Variants in FZD9 observed in about 807,000 individuals in gnomAD.
FZD9 encodes the protein frizzled class receptor 9.
In FZD9, 29 loss-of-function variants were observed where a neutral mutation model predicts 29.9. The ratio of observed to expected loss-of-function variants is 0.97; its 90% CI spans 0.72 to 1.32. The LOEUF (loss-of-function observed/expected upper bound fraction) is 1.32, where lower values mean the gene tolerates loss of function less well. Among genes scored for constraint, FZD9 ranks in the 40% most tolerant of loss-of-function variants. The pLI, the probability that FZD9 is intolerant of heterozygous loss-of-function variation, is 0.00. For missense variants in FZD9, 822 were observed against 857.8 expected (o/e 0.96, Z 0.52); for synonymous variants, 384 against 393.9 (o/e 0.97, Z 0.30).
rs781871788 is a variant in FZD9 at position 73,434,454 on chromosome 7, C to A, written c.447C>A (p.His149Gln). 6.5e-7 allele frequency: 1 copy of A among 1,533,618 alleles called. No individual in the cohort carries two copies. Among genetic ancestry groups the A allele is most frequent in the Admixed American group, 2.0e-5 (1 of 50,632 alleles). The change falls in exon 1 of 1, where the codon CAC becomes CAA. Residue 149 changes from histidine (H) to glutamine (Q), a missense_variant. His to Gln is a conservative substitution (Grantham distance 24, BLOSUM62 0). Transcript: ENST00000344575. ...GGCTGCCCACGCGCAACGACCCGCACGCGCTGTGCATGGAGGCGCCCGAGA... is the reference window on the plus strand; with the variant it reads ...GGCTGCCCACGCGCAACGACCCGCAAGCGCTGTGCATGGAGGCGCCCGAGA... ...CARLPTRNDPHALCMEAPENA... is the reference protein window; with the variant it reads ...CARLPTRNDPQALCMEAPENA...
Position 73,434,924 on chromosome 7 carries a change from A to G in FZD9, c.917A>G (p.Glu306Gly), listed in dbSNP as rs1554563474. 6.2e-7 allele frequency: 1 copy of G among 1,613,816 alleles called. No individual in the cohort carries two copies. The highest frequency in any genetic ancestry group is 1.1e-5 in the South Asian group (1 of 91,072). ...GCGGGCGCGCTCTACGTGATCCAGG[A>G]GGGCCTGGAGAACACGGGCTGCACG... ...QEAGALYVIQ[E>G]GLENTGCTLV... The change falls in exon 1 of 1, where the codon GAG (glutamate) becomes GGG (glycine). Residue 306 changes from glutamate to glycine, a missense_variant. By Grantham distance (98) the Glu-to-Gly change is moderately conservative. Coordinates refer to ENST00000344575, the MANE Select transcript of FZD9 (RefSeq NM_003508.3).
In FZD9 at chr7:73,435,200, T is replaced by C; in HGVS notation, c.1193T>C (p.Leu398Pro). ...GTGGCCAGCACGGATGCAGCAGCGCTCACGGGCTTCGTGCTGGTGCCCCTC... is the reference window on the plus strand; with the variant it reads ...GTGGCCAGCACGGATGCAGCAGCGCCCACGGGCTTCGTGCTGGTGCCCCTC... Reference protein sequence around the residue: ...CYVASTDAAALTGFVLVPLSG... With the variant: ...CYVASTDAAAPTGFVLVPLSG... Residue 398 changes from leucine to proline, a missense_variant, in exon 1 of 1, where the codon CTC becomes CCC. Physicochemically the swap from Leu to Pro is moderately conservative, Grantham distance 98. Transcript: ENST00000344575. 6.2e-7 allele frequency: 1 copy of C among 1,613,334 alleles called. No homozygotes were observed.
chr7:73,434,888 G>A lies in FZD9; in HGVS notation c.881G>A (p.Cys294Tyr). ...RAVAGAQSVACDQEAGALYVI... is the reference protein window; with the variant it reads ...RAVAGAQSVAYDQEAGALYVI... The stretch of plus-strand genomic sequence containing the variant: ...GTGGCCGGAGCGCAGAGCGTGGCCT[G>A]TGACCAGGAGGCGGGCGCGCTCTAC... Residue 294 changes from cysteine (C) to tyrosine (Y), a missense_variant, in exon 1 of 1, where the codon TGT (cysteine) becomes TAT (tyrosine). By Grantham distance (194) the Cys-to-Tyr change is radical. Coordinates refer to ENST00000344575, the MANE Select transcript of FZD9 (RefSeq NM_003508.3). 1 of 1,613,644 alleles carries A rather than the reference G, an allele frequency of 6.2e-7. No individual in the cohort carries two copies. The highest frequency in any genetic ancestry group is 8.5e-7 in the Non-Finnish European group (1 of 1,179,996).
rs142246324 is a variant in FZD9, at chr7:73,435,638, A to C, written c.1631A>C (p.Lys544Thr). The C allele has an allele frequency of 1.2e-6, 2 of 1,613,050 alleles. No homozygotes were observed. The highest frequency in any genetic ancestry group is 4.5e-5 in the East Asian group (2 of 44,878). The change falls in exon 1 of 1, where the codon AAG becomes ACG. Residue 544 changes from lysine to threonine, a missense_variant. Physicochemically the swap from Lys to Thr is moderately conservative, Grantham distance 78. Transcript: ENST00000344575. ...ACCTGGCAGAGCCTGTGCTACCGCAAGATAGCAGCTGGCCGGGCCCGGGCC... is the reference window on the plus strand; with the variant it reads ...ACCTGGCAGAGCCTGTGCTACCGCACGATAGCAGCTGGCCGGGCCCGGGCC... ...FQTWQSLCYR[K>T]IAAGRARAKA...
chr7:73,435,304 A>G lies in FZD9; in HGVS notation c.1297A>G (p.Thr433Ala). The change falls in exon 1 of 1, where the codon ACG becomes GCG. Residue 433 changes from threonine to alanine, a missense_variant. Thr to Ala is a moderately conservative substitution (Grantham distance 58). Transcript: ENST00000344575. ...ALFHIRKIMK[T>A]GGTNTEKLEK... ...CTTCCACATCCGCAAGATCATGAAG[A>G]CGGGCGGCACCAACACAGAGAAGCT... 1.2e-6 allele frequency: 2 copies of G among 1,613,814 alleles called. No individual in the cohort carries two copies.
At position 73,435,853 on chromosome 7, in the gene FZD9, T is replaced by TA; in HGVS notation, c.*71dup. ...TCCACGCCCTGCCCCCTGCATCCCC[T>TA]AGAGACAGCTGACTAGCAGCTGCCC... On this transcript the variant is annotated 3_prime_UTR_variant, in exon 1 of 1. Transcript: ENST00000344575. 6.6e-7 allele frequency: 1 copy of TA among 1,508,410 alleles called. No homozygotes were observed. Among genetic ancestry groups the TA allele is most frequent in the East Asian group, 2.3e-5 (1 of 43,882 alleles). 93.4% of individuals were successfully genotyped at this position (1,508,410 alleles called of 1,614,324 possible).
rs1563354348 is a variant in FZD9, at chr7:73,434,537, C to T, written c.530C>T (p.Pro177Leu). Reference protein sequence around the residue: ...HKGLGMLPVAPRPARPPGDLG... With the variant: ...HKGLGMLPVALRPARPPGDLG... ...GGCCTGGGCATGCTGCCCGTGGCGCCGCGGCCCGCGCGCCCTCCCGGAGAC... is the reference window on the plus strand; with the variant it reads ...GGCCTGGGCATGCTGCCCGTGGCGCTGCGGCCCGCGCGCCCTCCCGGAGAC... Residue 177 changes from proline to leucine, a missense_variant, in exon 1 of 1, where the codon CCG (proline) becomes CTG (leucine). Pro to Leu is a moderately conservative substitution (Grantham distance 98). Coordinates refer to ENST00000344575, the MANE Select transcript of FZD9 (RefSeq NM_003508.3). The T allele has an allele frequency of 1.4e-6, 2 of 1,422,516 alleles. No homozygotes were observed. Among genetic ancestry groups the T allele is most frequent in the Non-Finnish European group, 1.8e-6 (2 of 1,100,442 alleles). The allele number at this position is 1,422,516 out of a possible 1,614,324, so 88.1% of individuals were successfully genotyped here. A position where few individuals can be genotyped will look rare whatever the true frequency, so the allele number is the denominator to read the frequency against.
In FZD9 at chr7:73,434,121, G is replaced by A. The variant is rs1173341222; in HGVS notation, c.114G>A (p.Pro38=). 1.1e-5 allele frequency: 16 copies of A among 1,513,434 alleles called. No homozygotes were observed. Among genetic ancestry groups the A allele is most frequent in the Non-Finnish European group, 1.4e-5 (16 of 1,139,756 alleles). The allele number at this position is 1,513,434 out of a possible 1,614,324, so 93.8% of individuals were successfully genotyped here. ...CGGAGCGCGGGCGCGGGGCTGCGCCGTGCCAGGCGGTGGAGATCCCCATGT... is the reference window on the plus strand; with the variant it reads ...CGGAGCGCGGGCGCGGGGCTGCGCCATGCCAGGCGGTGGAGATCCCCATGT... The part of the protein sequence containing the change: ...FDPERGRGAA[P]CQAVEIPMCR... The change falls in exon 1 of 1, where the codon CCG becomes CCA. Residue 38 remains proline (P), a synonymous_variant. Coordinates refer to ENST00000344575, the MANE Select transcript of FZD9 (RefSeq NM_003508.3).
rs1787345735 is a variant in FZD9 at position 73,434,101 on chromosome 7, C to G, written c.94C>G (p.Arg32Gly). The G allele has an allele frequency of 7.1e-7, 1 of 1,407,230 alleles. No homozygotes were observed. Among genetic ancestry groups the G allele is most frequent in the Non-Finnish European group, 9.2e-7 (1 of 1,087,918 alleles). The allele number at this position is 1,407,230 out of a possible 1,614,324, so 87.2% of individuals were successfully genotyped here. ...ALEIGRFDPE[R>G]GRGAAPCQAV... ...GGAGATCGGCCGCTTCGACCCGGAG[C>G]GCGGGCGCGGGGCTGCGCCGTGCCA... The change falls in exon 1 of 1, where the codon CGC (arginine) becomes GGC (glycine). Residue 32 changes from arginine to glycine, a missense_variant. By Grantham distance (125) the Arg-to-Gly change is moderately radical. Coordinates refer to ENST00000344575, the MANE Select transcript of FZD9 (RefSeq NM_003508.3).
In FZD9 at chr7:73,435,002, TG is replaced by T; in HGVS notation, c.997del (p.Val333SerfsTer2). The T allele has an allele frequency of 6.2e-7, 1 of 1,614,004 alleles. No homozygotes were observed. The highest frequency in any genetic ancestry group is 8.5e-7 in the Non-Finnish European group (1 of 1,180,012). Reference protein sequence around the residue: ...YFGMASSLWWVVLTLTWFLAA... With the variant: ...YFGMASSLWWXVLTLTWFLAA... Reference sequence around the variant, plus strand: ...GGCATGGCCAGCTCGCTCTGGTGGGTGGTCCTGACGCTCACCTGGTTCCTGG... The same window carrying T: ...GGCATGGCCAGCTCGCTCTGGTGGGTGTCCTGACGCTCACCTGGTTCCTGG... On this transcript the variant is annotated frameshift_variant, in exon 1 of 1. Coordinates refer to ENST00000344575, the MANE Select transcript of FZD9 (RefSeq NM_003508.3). LOFTEE classifies it high-confidence loss of function.
rs781927126 is a variant in FZD9 at position 73,434,087 on chromosome 7, G to T, written c.80G>T (p.Arg27Leu). 7.3e-7 allele frequency: 1 copy of T among 1,366,986 alleles called. No individual in the cohort carries two copies. The highest frequency in any genetic ancestry group is 1.9e-5 in the South Asian group (1 of 53,810). The allele number at this position is 1,366,986 out of a possible 1,614,324, so 84.7% of individuals were successfully genotyped here. ...GGCGGCGCGGCACTGGAGATCGGCC[G>T]CTTCGACCCGGAGCGCGGGCGCGGG... is the stretch of plus-strand genomic sequence containing the variant. ...AAGGAALEIGRFDPERGRGAA... is the reference protein window; with the variant it reads ...AAGGAALEIGLFDPERGRGAA... Residue 27 changes from arginine to leucine, a missense_variant, in exon 1 of 1, where the codon CGC becomes CTC. By Grantham distance (102) the Arg-to-Leu change is moderately radical. Coordinates refer to ENST00000344575, the MANE Select transcript of FZD9 (RefSeq NM_003508.3).
rs1787361468 is a variant in FZD9 at position 73,434,446 on chromosome 7, G to A, written c.439G>A (p.Asp147Asn). ...LDCARLPTRN[D>N]PHALCMEAPE... is the part of the protein sequence containing the mutation. ...CTGCGCCCGGCTGCCCACGCGCAAC[G>A]ACCCGCACGCGCTGTGCATGGAGGC... is the stretch of plus-strand genomic sequence containing the variant. The change falls in exon 1 of 1, where the codon GAC (aspartate) becomes AAC (asparagine). Residue 147 changes from aspartate (D) to asparagine (N), a missense_variant. Asp to Asn is a conservative substitution (Grantham distance 23). Transcript: ENST00000344575. The A allele has an allele frequency of 1.0e-5, 16 of 1,543,714 alleles. No individual in the cohort carries two copies. Among genetic ancestry groups the A allele is most frequent in the Non-Finnish European group, 1.4e-5 (16 of 1,154,134 alleles).
At position 73,435,305 on chromosome 7, in the gene FZD9, C is replaced by G. The variant is rs370867927; in HGVS notation, c.1298C>G (p.Thr433Arg). 1.2e-6 allele frequency: 2 copies of G among 1,613,650 alleles called. No homozygotes were observed. The highest frequency in any genetic ancestry group is 1.7e-6 in the Non-Finnish European group (2 of 1,179,896). The change falls in exon 1 of 1, where the codon ACG (threonine) becomes AGG (arginine). Residue 433 changes from threonine to arginine, a missense_variant. Thr to Arg is a moderately conservative substitution (Grantham distance 71, BLOSUM62 -1). Transcript: ENST00000344575. ...ALFHIRKIMK[T>R]GGTNTEKLEK... ...TTCCACATCCGCAAGATCATGAAGA[C>G]GGGCGGCACCAACACAGAGAAGCTG...
rs1245428104 is a variant in FZD9, at chr7:73,433,872, C to T, written c.-136C>T. 1.5e-6 allele frequency: 1 copy of T among 659,116 alleles called. No individual in the cohort carries two copies. The highest frequency in any genetic ancestry group is 1.1e-4 in the East Asian group (1 of 8,794). 40.8% of individuals were successfully genotyped at this position (659,116 alleles called of 1,614,324 possible). On this transcript the variant is annotated 5_prime_UTR_variant, in exon 1 of 1. Transcript: ENST00000344575. Reference sequence around the variant, plus strand: ...CTCGGGCGGCTGCCCGCTCGCTGCCCAGGGCGCCCGGACACACGTGGGCGG... The same window carrying T: ...CTCGGGCGGCTGCCCGCTCGCTGCCTAGGGCGCCCGGACACACGTGGGCGG...
chr7:73,435,487 CG>C lies in FZD9; in HGVS notation c.1482del (p.Arg495GlyfsTer51). ...CGCAGCGGCCGCGGGGCCCGGAGGC[CG>C]GAGGGACTGCTCGCTGCCAGGGGGC... Reference protein sequence around the residue: ...PCAAAAGPGGRRDCSLPGGSV... With the variant: ...PCAAAAGPGGXRDCSLPGGSV... On this transcript the variant is annotated frameshift_variant, in exon 1 of 1. Coordinates refer to ENST00000344575, the MANE Select transcript of FZD9 (RefSeq NM_003508.3). LOFTEE classifies it high-confidence loss of function. 1 of 1,612,880 alleles carries C rather than the reference CG, an allele frequency of 6.2e-7. No individual in the cohort carries two copies. The highest frequency in any genetic ancestry group is 8.5e-7 in the Non-Finnish European group (1 of 1,179,674).
rs782332524 is a variant in FZD9, at chr7:73,435,054, G to T, written c.1047G>T (p.Glu349Asp). Residue 349 changes from glutamate (E) to aspartate (D), a missense_variant, in exon 1 of 1, where the codon GAG becomes GAT. Coordinates refer to ENST00000344575, the MANE Select transcript of FZD9 (RefSeq NM_003508.3). ...CTGCCGGGAAGAAATGGGGCCACGAGGCCATCGAGGCCCACGGCAGCTATT... is the reference window on the plus strand; with the variant it reads ...CTGCCGGGAAGAAATGGGGCCACGATGCCATCGAGGCCCACGGCAGCTATT... ...FLAAGKKWGH[E>D]AIEAHGSYFH... The T allele has an allele frequency of 1.9e-6, 3 of 1,613,526 alleles. No individual in the cohort carries two copies. The Admixed American group carries it at 5.0e-5, about 27-fold the overall frequency.
rs782659170 is a variant in FZD9, at chr7:73,434,799, G to A, written c.792G>A (p.Glu264=). 3 of 1,612,838 alleles carry A rather than the reference G, an allele frequency of 1.9e-6. No individual in the cohort carries two copies. Among genetic ancestry groups the A allele is most frequent in the Non-Finnish European group, 2.5e-6 (3 of 1,180,006 alleles). Residue 264 remains glutamate (E), a synonymous_variant, in exon 1 of 1, where the codon GAG becomes GAA. Transcript: ENST00000344575. The part of the protein sequence containing the change: ...LLEPHRFQYP[E]RPIIFLSMCY... ...AGCCCCACCGCTTCCAGTACCCCGA[G>A]CGCCCCATCATCTTCCTCTCCATGT... is the stretch of plus-strand genomic sequence containing the variant.
Position 73,434,657 on chromosome 7 carries a change from C to T in FZD9, c.650C>T (p.Pro217Leu), listed in dbSNP as rs1554563389. ...KSRSCAPRCG[P>L]GVEVFWSRRD... is the part of the protein sequence containing the mutation. ...CGCTCGTGCGCACCGCGCTGCGGGC[C>T]CGGCGTCGAGGTGTTCTGGTCCCGG... The change falls in exon 1 of 1, where the codon CCC (proline) becomes CTC (leucine). Residue 217 changes from proline to leucine, a missense_variant. Transcript: ENST00000344575. The T allele has an allele frequency of 6.3e-7, 1 of 1,599,580 alleles. No individual in the cohort carries two copies. Among genetic ancestry groups the T allele is most frequent in the South Asian group, 1.1e-5 (1 of 90,996 alleles).
Position 73,434,985 on chromosome 7 carries a change from C to T in FZD9, c.978C>T (p.Ala326=). Residue 326 remains alanine, a synonymous_variant, in exon 1 of 1, where the codon GCC becomes GCT. Coordinates refer to ENST00000344575, the MANE Select transcript of FZD9 (RefSeq NM_003508.3). The part of the protein sequence containing the change: ...VFLLLYYFGM[A]SSLWWVVLTL... ...TACTGCTCTACTACTTCGGCATGGC[C>T]AGCTCGCTCTGGTGGGTGGTCCTGA... 2 of 1,614,072 alleles carry T rather than the reference C, an allele frequency of 1.2e-6. No individual in the cohort carries two copies. The highest frequency in any genetic ancestry group is 1.7e-6 in the Non-Finnish European group (2 of 1,180,026).
Sources: allele counts gnomAD v4.1 joint callset, GRCh38; gene constraint gnomAD v4.1.1; transcripts MANE v1.5; gene names NCBI Gene and HGNC (gene_info 2026-07-23, HGNC 2026-07-21).